Variants in NRXN1 observed in about 807,000 individuals in gnomAD.
The protein encoded by NRXN1 is neurexin-1.
In NRXN1, 39 loss-of-function variants were observed where a neutral mutation model predicts 150.9. That is an observed-to-expected ratio of 0.26 (90% CI 0.20 to 0.34). The LOEUF (loss-of-function observed/expected upper bound fraction) is 0.34, where lower values mean the gene tolerates loss of function less well. Among genes scored for constraint, NRXN1 ranks in the 10% least tolerant of loss-of-function variants. The pLI is 1.00. For synonymous variants in NRXN1, 924 were observed against 757.0 expected (o/e 1.22, Z -3.62); for missense variants, 1,815 against 1,949.9 (o/e 0.93, Z 1.30).
intron 5 of NRXN1, among the ~76,000 whole-genome samples, chr2:50,915,767 C>T (rs919093115): frequency 3.3e-5 from 5 of 151,100 alleles, no homozygotes; most frequent in South Asian, 4.2e-4. Flanking sequence ...CAAATGCACA[C>T]GGTATCTTTT....
At chr2:50,524,345 G>A (rs920248802) in intron 12 of NRXN1, among the ~76,000 whole-genome samples, 1 of 151,984 alleles carries the variant, frequency 6.6e-6, no homozygotes, top group Non-Finnish European at 1.5e-5. Flanking sequence ...CAGGCATGCT[G>A]GTGCACGCCT....
chr2:50,128,319 A>G (rs1461806704), intron 18 of NRXN1, among the ~76,000 whole-genome samples: 1 of 152,184 alleles, frequency 6.6e-6, no homozygotes, highest in Non-Finnish European at 1.5e-5. Flanking sequence ...CTTCGAACCA[A>G]CTTTTCTTGA....
rs1355885613 is a variant in NRXN1 at position 50,384,524 on chromosome 2, A to AT, written c.3364+80917_3364+80918insA. Among the ~76,000 whole-genome samples, 937 of 147,820 alleles carry AT rather than the reference A, an allele frequency of 6.3e-3. 22 individuals are homozygous for AT. The highest frequency in any genetic ancestry group is 0.019 in the Admixed American group (280 of 14,774). On this transcript the variant is annotated intron_variant, in intron 17 of 22. Coordinates refer to ENST00000401669, the MANE Select transcript of NRXN1 (RefSeq NM_001330078.2). ...CCATCTCAAAAAAAAAAAAAAAAAA[A>AT]AAAAAAAAAAATGCATCCTCTACAT...
At position 50,028,765 on chromosome 2, in the gene NRXN1, GTATGTCTAA is replaced by G. The variant is rs1688756991; in HGVS notation, c.4128+24497_4128+24505del. Among the ~76,000 whole-genome samples the G allele has an allele frequency of 2.6e-5, 4 of 152,164 alleles. No homozygotes were observed. The South Asian group carries it at 8.3e-4, about 32-fold the overall frequency. The stretch of plus-strand genomic sequence containing the variant: ...AATCTTACATTTGTTTTTTCTCACT[GTATGTCTAA>G]ACATTGCTAGTTTATCCCAGAAACC... On this transcript the variant is annotated intron_variant, in intron 21 of 22. Transcript: ENST00000401669.
intron 5 of NRXN1, among the ~76,000 whole-genome samples, chr2:50,868,146 TATA>T (rs1559371559): frequency 1.0e-3 from 9 of 8,866 alleles, no homozygotes; most frequent in South Asian, 3.3e-3. Flanking sequence ...AAATATTATA[TATA>T]TATATATATA....
chr2:50,582,059 A>G lies in NRXN1; in HGVS notation c.1321-29034T>C, dbSNP rs144245623. Among the ~76,000 whole-genome samples the G allele has an allele frequency of 5.0e-3, 758 of 152,284 alleles. 7 individuals are homozygous for G. Among genetic ancestry groups the G allele is most frequent in the African/African-American group, 0.017 (706 of 41,554 alleles). ...AGTGAAATCTGTTTGAGAACATACAAGCCCCCTGTTCGCACCAATTTAGTT... is the reference window on the plus strand; with the variant it reads ...AGTGAAATCTGTTTGAGAACATACAGGCCCCCTGTTCGCACCAATTTAGTT... On this transcript the variant is annotated intron_variant, in intron 8 of 22. Coordinates refer to ENST00000401669, the MANE Select transcript of NRXN1 (RefSeq NM_001330078.2).
chr2:50,320,325 T>C (rs2075944183), intron 17 of NRXN1, among the ~76,000 whole-genome samples: 1 of 126,898 alleles, frequency 7.9e-6, no homozygotes, highest in Non-Finnish European at 1.7e-5. Context: ...TATATATATA[T>C]ATAGTATATG....
At chr2:50,139,474 A>T (rs1195741621) in intron 18 of NRXN1, among the ~76,000 whole-genome samples, 1 of 152,226 alleles carries the variant, frequency 6.6e-6, no homozygotes, top group Non-Finnish European at 1.5e-5. Context: ...CAGATTCAAC[A>T]ATTACTTTTG....
intron 5 of NRXN1, among the ~76,000 whole-genome samples, chr2:50,736,439 T>G (rs1294637513): frequency 1.3e-5 from 2 of 152,136 alleles, no homozygotes; most frequent in African/African-American, 2.4e-5. Context: ...GTCTTTACGC[T>G]TCACAAGGAT....
At chr2:50,007,149 C>A (rs1319425114) in intron 21 of NRXN1, among the ~76,000 whole-genome samples, 1 of 152,040 alleles carries the variant, frequency 6.6e-6, no homozygotes, top group East Asian at 1.9e-4. Context: ...TTCAGACCAG[C>A]CTGGATAACA....
chr2:50,606,474 T>G (rs1009941345), intron 8 of NRXN1, among the ~76,000 whole-genome samples: 1 of 151,626 alleles, frequency 6.6e-6, no homozygotes, highest in Non-Finnish European at 1.5e-5. Flanking sequence ...CAATCAATAA[T>G]TATAAAATTT....
At chr2:50,961,378 TC>T (rs1693168085) in intron 2 of NRXN1, among the ~76,000 whole-genome samples, 3 of 151,674 alleles carry the variant, frequency 2.0e-5, no homozygotes, top group Admixed American at 1.3e-4. Context: ...ATAAACACAC[TC>T]TAACCACTAG....
intron 17 of NRXN1, among the ~76,000 whole-genome samples, chr2:50,295,964 G>A (rs1399320583): frequency 1.3e-5 from 2 of 152,152 alleles, no homozygotes; most frequent in Non-Finnish European, 2.9e-5. Flanking sequence ...GAATAGAGCA[G>A]CACCTTTAAA....
At chr2:50,471,124 T>G (rs2089416682) in intron 16 of NRXN1, among the ~76,000 whole-genome samples, 1 of 151,860 alleles carries the variant, frequency 6.6e-6, no homozygotes, top group East Asian at 1.9e-4. Flanking sequence ...TTCAGTAGCT[T>G]TAGGTGTACA....
intron 13 of NRXN1, among the ~76,000 whole-genome samples, chr2:50,499,013 A>G (rs1204005194): frequency 6.6e-6 from 1 of 152,230 alleles, no homozygotes; most frequent in African/African-American, 2.4e-5. Context: ...GGTAATGAAG[A>G]CTGAACAACC....
chr2:50,460,127 T>A (rs2088016524), intron 17 of NRXN1, among the ~76,000 whole-genome samples: 1 of 151,978 alleles, frequency 6.6e-6, no homozygotes. Flanking sequence ...TGGGCTCTGG[T>A]GAGATAGGAT....
intron 2 of NRXN1, among the ~76,000 whole-genome samples, chr2:50,945,901 C>T (rs142926486): frequency 0.25 from 32,146 of 130,718 alleles, 3,560 homozygotes; most frequent in Non-Finnish European, 0.28. Context: ...TATATATATA[C>T]ACACACACAC....
chr2:50,615,874 G>A (rs1214414879), intron 8 of NRXN1: 1 of 152,048 alleles, frequency 6.6e-6, no homozygotes, highest in Non-Finnish European at 1.5e-5. Flanking sequence ...AATATAAAAT[G>A]ATCGAAAATT....
At position 50,009,299 on chromosome 2, in the gene NRXN1, C is replaced by T. The variant is rs1685266219; in HGVS notation, c.4128+43972G>A. 1.3e-5 allele frequency among the ~76,000 whole-genome samples: 2 copies of T among 152,218 alleles called. 1 individual carries two copies. Among genetic ancestry groups the T allele is most frequent in the South Asian group, 4.1e-4 (2 of 4,824 alleles). On this transcript the variant is annotated intron_variant, in intron 21 of 22. Coordinates refer to ENST00000401669, the MANE Select transcript of NRXN1 (RefSeq NM_001330078.2). ...GAAAGTCCTCACTAAATGCACTAAG[C>T]ATAGAACGTTCTCACTAAATGCACA...
Sources: allele counts gnomAD v4.1 joint callset (sites outside exome capture counted in the v4.1 genomes callset), GRCh38; gene constraint gnomAD v4.1.1; transcripts MANE v1.5; gene names NCBI Gene and HGNC (gene_info 2026-07-23, HGNC 2026-07-21).